ROBO1: variants seen among roughly 807,000 people sequenced by gnomAD.
ROBO1 encodes the protein roundabout guidance receptor 1.
ROBO1 carries 149 observed loss-of-function variants against 195.9 expected under a neutral mutation model. The observed-to-expected ratio is 0.76, with a 90% CI of 0.67 to 0.87. The LOEUF is 0.87. ROBO1 is among the 40% of genes least tolerant of loss of function. The pLI is 0.00. For missense variants in ROBO1, 1,933 were observed against 2,068.3 expected, an observed-to-expected ratio of 0.93 and a Z score of 1.27; for synonymous variants, 816 against 733.2, an observed-to-expected ratio of 1.11 and a Z score of -1.82.
chr3:78,726,877 T>C (rs1028741277), intron 5 of ROBO1, among the ~76,000 whole-genome samples: 8 of 152,104 alleles, frequency 5.3e-5, no homozygotes, highest in African/African-American at 1.4e-4. Flanking sequence ...CTTTAAATTT[T>C]GGCATCAAAT....
intron 3 of ROBO1, chr3:79,018,465 C>T (rs1233904414): frequency 7.4e-6 from 12 of 1,613,726 alleles, no homozygotes; most frequent in African/African-American, 1.3e-5. Context: ...CAATCATTGT[C>T]CTCGGGTGGA....
At chr3:79,552,040 GAAA>G (rs201368854) in intron 2 of ROBO1, among the ~76,000 whole-genome samples, 1 of 78,550 alleles carries the variant, frequency 1.3e-5, no homozygotes. Context: ...TTTGCTACAG[GAAA>G]AAAAAAAAAA....
At chr3:79,431,944 G>T (rs1157525211) in intron 2 of ROBO1, among the ~76,000 whole-genome samples, 8 of 151,934 alleles carry the variant, frequency 5.3e-5, no homozygotes, top group Non-Finnish European at 1.2e-4. Context: ...AATAGAAAAG[G>T]TGCCATTTTT....
intron 1 of ROBO1, among the ~76,000 whole-genome samples, chr3:79,654,075 T>C (rs761516979): frequency 6.6e-6 from 1 of 151,998 alleles, no homozygotes; most frequent in African/African-American, 2.4e-5. Flanking sequence ...ACTGTTTAGA[T>C]GGGCATACAA....
chr3:79,239,069 T>A (rs752742964), intron 2 of ROBO1, among the ~76,000 whole-genome samples: 2 of 152,212 alleles, frequency 1.3e-5, no homozygotes, highest in Non-Finnish European at 2.9e-5. Flanking sequence ...CCAGCCTCAT[T>A]TCTTCCCACT....
Position 79,249,280 on chromosome 3 carries a change from C to A in ROBO1, c.89-123741G>T, listed in dbSNP as rs368884365. On this transcript the variant is annotated intron_variant, in intron 2 of 30. Transcript: ENST00000464233. ...ACAGCTGGGCACGTGAACTGTTCAC[C>A]AGCACGAAGAGGACTACGTTTCCTG... 1.8e-4 allele frequency among the ~76,000 whole-genome samples: 28 copies of A among 152,242 alleles called. 1 individual carries two copies. The Middle Eastern group carries it at 0.01, about 55-fold the overall frequency.
intron 12 of ROBO1, 78 bp from the exon 13 acceptor site, chr3:78,668,380 C>T (rs1707862733): frequency 6.3e-7 from 1 of 1,586,422 alleles, no homozygotes; most frequent in African/African-American, 1.3e-5. Flanking sequence ...ATAACATATT[C>T]ATACACCTAC....
At chr3:79,339,921 G>A (rs1175169039) in intron 2 of ROBO1, among the ~76,000 whole-genome samples, 1 of 152,076 alleles carries the variant, frequency 6.6e-6, no homozygotes, top group Non-Finnish European at 1.5e-5. Context: ...AATATTTCTG[G>A]CTCTTGGCTG....
intron 2 of ROBO1, among the ~76,000 whole-genome samples, chr3:79,575,172 T>TAAATATATATAACATATATAA: frequency 8.3e-6 from 1 of 120,718 alleles, no homozygotes; most frequent in Non-Finnish European, 1.8e-5. Context: ...CAAATATATA[T>TAAATATATATAACATATATAA]AAATATATAT....
intron 2 of ROBO1, among the ~76,000 whole-genome samples, chr3:79,503,230 C>T (rs917361564): frequency 6.6e-6 from 1 of 152,016 alleles, no homozygotes; most frequent in East Asian, 1.9e-4. Context: ...TGCAGACGCC[C>T]CACCTTAAGA....
chr3:79,057,764 C>T (rs1217894953), intron 3 of ROBO1, among the ~76,000 whole-genome samples: 2 of 151,984 alleles, frequency 1.3e-5, no homozygotes, highest in African/African-American at 4.8e-5. Context: ...TCTTATTGGG[C>T]TTATGTGCCT....
chr3:78,900,681 G>A (rs988214240), intron 4 of ROBO1, among the ~76,000 whole-genome samples: 4 of 152,014 alleles, frequency 2.6e-5, no homozygotes, highest in Non-Finnish European at 5.9e-5. Context: ...CAACTGTGCA[G>A]ATGTTCAGCT....
chr3:79,470,637 A>G lies in ROBO1; in HGVS notation c.88+119187T>C, dbSNP rs1938220520. Among the ~76,000 whole-genome samples the G allele has an allele frequency of 1.3e-5, 2 of 152,102 alleles. 1 individual carries two copies. The highest frequency in any genetic ancestry group is 3.9e-4 in the East Asian group (2 of 5,180). On this transcript the variant is annotated intron_variant, in intron 2 of 30. Coordinates refer to ENST00000464233, the MANE Select transcript of ROBO1 (RefSeq NM_002941.4). ...GGGGCCAGGTGGACATAATTTAATC[A>G]TGGGGGCAGTTTCCCTCATACTGTT...
At chr3:79,111,327 G>A (rs770730126) in intron 3 of ROBO1, among the ~76,000 whole-genome samples, 2 of 152,070 alleles carry the variant, frequency 1.3e-5, no homozygotes, top group South Asian at 2.1e-4. Flanking sequence ...TTAGAGGATC[G>A]ATTGGGGAAT....
intron 2 of ROBO1, among the ~76,000 whole-genome samples, chr3:79,427,806 A>G (rs1309622414): frequency 6.6e-6 from 1 of 152,174 alleles, no homozygotes; most frequent in Non-Finnish European, 1.5e-5. Context: ...TGGATTAAAC[A>G]TTTAAATTTA....
At chr3:78,610,954 A>G (rs1703772979) in intron 28 of ROBO1, among the ~76,000 whole-genome samples, 1 of 152,174 alleles carries the variant, frequency 6.6e-6, no homozygotes, top group Admixed American at 6.5e-5. Context: ...TATTCCACAT[A>G]GTGATATATA....
chr3:79,295,124 T>C (rs1242811422), intron 2 of ROBO1, among the ~76,000 whole-genome samples: 1 of 152,174 alleles, frequency 6.6e-6, no homozygotes, highest in East Asian at 1.9e-4. Context: ...ATATAAATCA[T>C]TCTACTATAA....
At chr3:79,388,629 C>G (rs2036839996) in intron 2 of ROBO1, among the ~76,000 whole-genome samples, 1 of 151,848 alleles carries the variant, frequency 6.6e-6, no homozygotes, top group Non-Finnish European at 1.5e-5. Flanking sequence ...ACATGGAAGC[C>G]CACTTTAGAC....
At chr3:78,606,389 C>A (rs1401883087) in intron 29 of ROBO1, among the ~76,000 whole-genome samples, 1 of 152,122 alleles carries the variant, frequency 6.6e-6, no homozygotes, top group Non-Finnish European at 1.5e-5. Flanking sequence ...ATTCAATTCT[C>A]CAGCCAAAGT....
Sources: allele counts gnomAD v4.1 joint callset (sites outside exome capture counted in the v4.1 genomes callset), GRCh38; gene constraint gnomAD v4.1.1; transcripts MANE v1.5; gene names NCBI Gene and HGNC (gene_info 2026-07-23, HGNC 2026-07-21).